The following ZBTB20 variants were observed in gnomAD, a reference collection of about 807,000 sequenced individuals.
The protein encoded by ZBTB20 is zinc finger and BTB domain-containing protein 20.
A neutral mutation model predicts 56.9 loss-of-function variants in ZBTB20; 9 were observed. That is an observed-to-expected ratio of 0.16 (90% CI 0.10 to 0.28). ZBTB20 has a LOEUF of 0.28. Ranked by LOEUF, ZBTB20 falls within the 10% of genes least tolerant of loss-of-function variation. The pLI is 1.00. For missense variants in ZBTB20, 655 were observed against 1,003.0 expected, an observed-to-expected ratio of 0.65 and a Z score of 4.69; for synonymous variants, 417 against 420.7, an observed-to-expected ratio of 0.99 and a Z score of 0.11.
chr3:114,443,985 A>C (rs978065364), intron 7 of ZBTB20, among the ~76,000 whole-genome samples: 1 of 152,204 alleles, frequency 6.6e-6, no homozygotes, highest in African/African-American at 2.4e-5. Flanking sequence ...TAAAAGATAC[A>C]AAGTGTTGTA....
At chr3:114,533,038 C>A (rs933967110) in intron 6 of ZBTB20, among the ~76,000 whole-genome samples, 6 of 152,134 alleles carry the variant, frequency 3.9e-5, no homozygotes, top group African/African-American at 1.2e-4. Context: ...TGAGGAAAAA[C>A]CAGCTTAAAA....
chr3:114,921,913 C>G (rs1040687407), intron 3 of ZBTB20, among the ~76,000 whole-genome samples: 1 of 152,022 alleles, frequency 6.6e-6, no homozygotes, highest in Non-Finnish European at 1.5e-5. Context: ...AAGAAAATTA[C>G]AGAGCAATAT....
chr3:114,329,059 T>C lies in ZBTB20; in HGVS notation c.*9946A>G, dbSNP rs1293544702. 6.6e-6 allele frequency: 1 copy of C among 152,230 alleles called. No individual in the cohort carries two copies. Among genetic ancestry groups the C allele is most frequent in the African/African-American group, 2.4e-5 (1 of 41,466 alleles). 9.4% of individuals were successfully genotyped at this position (152,230 alleles called of 1,614,324 possible). On this transcript the variant is annotated 3_prime_UTR_variant, in exon 12 of 12. Coordinates refer to ENST00000675478, the MANE Select transcript of ZBTB20 (RefSeq NM_001348800.3). ...GGTAATTTTGCCATTACACTAGACA[T>C]TAGCCCTTTCAAAGCAGACTAAGAG...
chr3:114,882,147 T>G (rs970630371), intron 4 of ZBTB20, among the ~76,000 whole-genome samples: 12 of 152,036 alleles, frequency 7.9e-5, no homozygotes, highest in African/African-American at 2.9e-4. Context: ...CAGAAAAGTA[T>G]TATAGCCAAT....
intron 1 of ZBTB20, among the ~76,000 whole-genome samples, chr3:115,124,893 C>G (rs1030558551): frequency 2.0e-5 from 3 of 151,626 alleles, no homozygotes; most frequent in African/African-American, 7.3e-5. Flanking sequence ...TGTATGAGAA[C>G]ATAAAAATTA....
chr3:114,984,779 ATTTAATGTCC>A, intron 2 of ZBTB20, among the ~76,000 whole-genome samples: 1 of 152,162 alleles, frequency 6.6e-6, no homozygotes, highest in Middle Eastern at 3.4e-3. Flanking sequence ...CAAGGAGCTA[ATTTAATGTCC>A]TGTTCCCAAG....
At chr3:114,996,019 T>A (rs1336129831) in intron 2 of ZBTB20, among the ~76,000 whole-genome samples, 1 of 151,730 alleles carries the variant, frequency 6.6e-6, no homozygotes, top group Non-Finnish European at 1.5e-5. Context: ...CATGTATCAG[T>A]CAAGGATCAA....
intron 2 of ZBTB20, among the ~76,000 whole-genome samples, chr3:115,039,624 G>A (rs1197996425): frequency 6.6e-6 from 1 of 152,014 alleles, no homozygotes. Context: ...AGTGGTGGAT[G>A]TTTTTACAGT....
chr3:114,494,017 T>C (rs961564551), intron 7 of ZBTB20, among the ~76,000 whole-genome samples: 11 of 152,344 alleles, frequency 7.2e-5, no homozygotes, highest in South Asian at 2.1e-4. Flanking sequence ...TCTTATAAAA[T>C]AAATCAAACA....
At chr3:115,017,734 T>A (rs1359001431) in intron 2 of ZBTB20, among the ~76,000 whole-genome samples, 1 of 151,574 alleles carries the variant, frequency 6.6e-6, no homozygotes, top group Non-Finnish European at 1.5e-5. Flanking sequence ...TTATCAAATA[T>A]GTGTTGAGTA....
At chr3:114,630,485 G>T (rs1560061400) in intron 6 of ZBTB20, among the ~76,000 whole-genome samples, 2 of 152,192 alleles carry the variant, frequency 1.3e-5, no homozygotes, top group East Asian at 3.9e-4. Flanking sequence ...ACGTGTGTGT[G>T]TATGGTGGGT....
chr3:114,422,326 C>A (rs902134472), intron 7 of ZBTB20, among the ~76,000 whole-genome samples: 1 of 152,134 alleles, frequency 6.6e-6, no homozygotes, highest in Non-Finnish European at 1.5e-5. Flanking sequence ...TGCCACTTCT[C>A]TTGTGTCAAA....
intron 6 of ZBTB20, among the ~76,000 whole-genome samples, chr3:114,665,652 C>A (rs1374546966): frequency 6.6e-6 from 1 of 151,976 alleles, no homozygotes; most frequent in South Asian, 2.1e-4. Flanking sequence ...GTTCCTATAA[C>A]ATAACAACTC....
intron 8 of ZBTB20, among the ~76,000 whole-genome samples, chr3:114,383,379 T>C (rs773001636): frequency 5.3e-5 from 8 of 152,242 alleles, no homozygotes; most frequent in Non-Finnish European, 1.0e-4. Flanking sequence ...ATTACTCTTT[T>C]ATTTTTAACA....
chr3:115,015,042 TGAG>T (rs1175426195), intron 2 of ZBTB20, among the ~76,000 whole-genome samples: 3 of 151,426 alleles, frequency 2.0e-5, no homozygotes, highest in African/African-American at 7.3e-5. Flanking sequence ...ATGGAAGGAG[TGAG>T]GAGAAGTTTA....
intron 7 of ZBTB20, among the ~76,000 whole-genome samples, chr3:114,391,601 A>T (rs1237258239): frequency 6.6e-6 from 1 of 152,252 alleles, no homozygotes; most frequent in African/African-American, 2.4e-5. Flanking sequence ...AAGCTGAGAC[A>T]ATTTTTACTC....
intron 6 of ZBTB20, among the ~76,000 whole-genome samples, chr3:114,681,059 T>C (rs529211245): frequency 1.3e-5 from 2 of 152,324 alleles, no homozygotes; most frequent in South Asian, 2.1e-4. Flanking sequence ...GGCAAGATAG[T>C]AGACTCTAAA....
At chr3:114,645,949 T>G (rs2059810855) in intron 6 of ZBTB20, among the ~76,000 whole-genome samples, 1 of 151,978 alleles carries the variant, frequency 6.6e-6, no homozygotes, top group Non-Finnish European at 1.5e-5. Flanking sequence ...CCCTCAACTA[T>G]GGCATAAAGT....
intron 5 of ZBTB20, among the ~76,000 whole-genome samples, chr3:114,787,400 T>C (rs986976851): frequency 7.9e-5 from 11 of 138,782 alleles, no homozygotes; most frequent in African/African-American, 1.4e-4. Flanking sequence ...CACATATATA[T>C]ACATATATAT....
Sources: allele counts gnomAD v4.1 joint callset (sites outside exome capture counted in the v4.1 genomes callset), GRCh38; gene constraint gnomAD v4.1.1; transcripts MANE v1.5; gene names NCBI Gene and HGNC (gene_info 2026-07-23, HGNC 2026-07-21).